Variants in PCTP observed in about 807,000 individuals in gnomAD.
PCTP encodes the protein phosphatidylcholine transfer protein.
A neutral mutation model predicts 31.0 loss-of-function variants in PCTP; 27 were observed. The ratio of observed to expected loss-of-function variants is 0.87; its 90% CI spans 0.64 to 1.20. The LOEUF is 1.20. Ranked by LOEUF, PCTP falls within the 50% of genes most tolerant of loss-of-function variation. PCTP has a pLI of 0.00. For synonymous variants in PCTP, 108 were observed against 101.2 expected, an observed-to-expected ratio of 1.07 and a Z score of -0.40; for missense variants, 287 against 268.2, an observed-to-expected ratio of 1.07 and a Z score of -0.49.
intron 5 of PCTP, among the ~76,000 whole-genome samples, chr17:55,831,123 TTTC>T (rs574706697): frequency 2.0e-5 from 3 of 152,062 alleles, no homozygotes; most frequent in Non-Finnish European, 4.4e-5. Context: ...CCGGAGAGCT[TTTC>T]TTCTTCTCCT....
At chr17:55,813,960 T>C (rs1327016555) in intron 3 of PCTP, among the ~76,000 whole-genome samples, 1 of 151,970 alleles carries the variant, frequency 6.6e-6, no homozygotes. Flanking sequence ...GAGGATCACT[T>C]GAGCCTGGGA....
At chr17:55,825,891 C>T (rs966874821), downstream of PCTP, among the ~76,000 whole-genome samples, 4 of 152,190 alleles carry the variant, frequency 2.6e-5, no homozygotes, top group African/African-American at 9.7e-5. Flanking sequence ...TCACTGCACT[C>T]ATGTGGTCAC....
chr17:55,820,163 T>C (rs947796724), intron 3 of PCTP, among the ~76,000 whole-genome samples: 1 of 152,112 alleles, frequency 6.6e-6, no homozygotes, highest in East Asian at 1.9e-4. Context: ...ACAAAATAGA[T>C]AAATGTAACT....
At chr17:55,844,007 A>G (rs1906067570), downstream of PCTP, among the ~76,000 whole-genome samples, 2 of 152,202 alleles carry the variant, frequency 1.3e-5, no homozygotes, top group South Asian at 4.1e-4. Flanking sequence ...ATGAGAGCCT[A>G]CTGACTTTCT....
chr17:55,754,665 C>G (rs1347216901), intron 1 of PCTP, among the ~76,000 whole-genome samples: 1 of 152,196 alleles, frequency 6.6e-6, no homozygotes, highest in Admixed American at 6.5e-5. Flanking sequence ...CCAGATTCTT[C>G]TGGCCTCTCC....
At chr17:55,774,982 A>T (rs1488883239) in intron 5 of PCTP, 123 bp downstream of exon 5, 2 of 1,122,566 alleles carry the variant, frequency 1.8e-6, no homozygotes, top group African/African-American at 3.1e-5. Context: ...AGGCTCTTTT[A>T]TGAAGAGTTT....
In PCTP at chr17:55,791,177, C is replaced by T. The variant is rs1306432827; in HGVS notation, c.317+3523C>T. ...ATTCAAGATGGATTAAAGACGTAAACGTTAGACCTAAAACCATAAAAACCC... is the reference window on the plus strand; with the variant it reads ...ATTCAAGATGGATTAAAGACGTAAATGTTAGACCTAAAACCATAAAAACCC... On this transcript the variant is annotated intron_variant, in intron 3 of 3. Transcript: ENST00000572536. 3.7e-3 allele frequency among the ~76,000 whole-genome samples: 559 copies of T among 152,012 alleles called. 5 individuals are homozygous for T. The highest frequency in any genetic ancestry group is 0.013 in the African/African-American group (527 of 41,498).
chr17:55,848,226 C>T, the PCTP span, among the ~76,000 whole-genome samples: 4 of 152,182 alleles, frequency 2.6e-5, no homozygotes, highest in African/African-American at 7.2e-5. Context: ...AATGTTTGAT[C>T]AACTATCTGA....
chr17:55,766,435 C>T (rs1404383862), intron 1 of PCTP, among the ~76,000 whole-genome samples: 1 of 136,944 alleles, frequency 7.3e-6, no homozygotes, highest in Admixed American at 7.6e-5. Context: ...CAACAGTCCC[C>T]AGAGTGTAAT....
intron 3 of PCTP, among the ~76,000 whole-genome samples, chr17:55,790,780 T>C (rs1200455719): frequency 6.7e-6 from 1 of 149,194 alleles, no homozygotes; most frequent in East Asian, 1.9e-4. Flanking sequence ...CCAATGACTT[T>C]CTTCACAGAA....
At chr17:55,828,294 G>A (rs1905473110) in intron 5 of PCTP, among the ~76,000 whole-genome samples, 1 of 152,146 alleles carries the variant, frequency 6.6e-6, no homozygotes, top group Non-Finnish European at 1.5e-5. Flanking sequence ...ACAGTTTTGG[G>A]GGCTGGGCAT....
chr17:55,765,104 T>C (rs780537942), intron 1 of PCTP, among the ~76,000 whole-genome samples: 5 of 152,246 alleles, frequency 3.3e-5, no homozygotes, highest in Non-Finnish European at 5.9e-5. Context: ...AAGGAACTTA[T>C]ATGATTTGAA....
At chr17:55,800,974 T>C (rs1912356426) in intron 3 of PCTP, among the ~76,000 whole-genome samples, 1 of 152,144 alleles carries the variant, frequency 6.6e-6, no homozygotes, top group African/African-American at 2.4e-5. Flanking sequence ...TAGCAAAGAT[T>C]ACTGCCTGTT....
downstream of PCTP, among the ~76,000 whole-genome samples, chr17:55,781,159 A>G (rs556952142): frequency 5.9e-5 from 9 of 152,374 alleles, no homozygotes; most frequent in South Asian, 1.7e-3. Flanking sequence ...CCAAACAATA[A>G]GTGATCTGCA....
At position 55,776,778 on chromosome 17, in the gene PCTP, TATG is replaced by T. The variant is rs1911353420; in HGVS notation, c.*680_*682del. On this transcript the variant is annotated 3_prime_UTR_variant, in exon 6 of 6. Transcript: ENST00000268896. ...ATCAGAGGCCTGACCGGACACATAA[TATG>T]ACAACCACATTTTTCCTCATCATCC... The T allele has an allele frequency of 4.4e-5, 49 of 1,115,500 alleles. No individual in the cohort carries two copies. The highest frequency in any genetic ancestry group is 5.4e-5 in the Non-Finnish European group (49 of 914,616). The allele number at this position is 1,115,500 out of a possible 1,614,324, so 69.1% of individuals were successfully genotyped here.
At chr17:55,751,777 CT>C (rs1243813839) in intron 1 of PCTP, among the ~76,000 whole-genome samples, 1 of 152,104 alleles carries the variant, frequency 6.6e-6, no homozygotes, top group Non-Finnish European at 1.5e-5. Context: ...CCAAGTTGCT[CT>C]TAATAAGTTG....
intron 1 of PCTP, among the ~76,000 whole-genome samples, chr17:55,753,720 T>G (rs1380778330): frequency 6.6e-6 from 1 of 152,182 alleles, no homozygotes; most frequent in Non-Finnish European, 1.5e-5. Context: ...CATCTTCTCC[T>G]CTAGCGAGCC....
In PCTP at chr17:55,751,077, A is replaced by C. The variant is rs1386764549; in HGVS notation, c.-27A>C. On this transcript the variant is annotated 5_prime_UTR_variant, in exon 1 of 6. Transcript: ENST00000268896. ...TAAGGGTGTCCGCGGCCTGCCCTCC[A>C]GGCGGAGGAGCCCGGACTGCGGAAG... 2 of 1,507,596 alleles carry C rather than the reference A, an allele frequency of 1.3e-6. No individual in the cohort carries two copies. Among genetic ancestry groups the C allele is most frequent in the African/African-American group, 1.4e-5 (1 of 71,194 alleles). 93.4% of individuals were successfully genotyped at this position (1,507,596 alleles called of 1,614,324 possible).
At chr17:55,812,961 G>T (rs534873294) in intron 3 of PCTP, among the ~76,000 whole-genome samples, 2 of 152,254 alleles carry the variant, frequency 1.3e-5, no homozygotes, top group African/African-American at 2.4e-5. Context: ...TCCTCCCCAC[G>T]GGGAGAGTGG....
Sources: allele counts gnomAD v4.1 joint callset (sites outside exome capture counted in the v4.1 genomes callset), GRCh38; gene constraint gnomAD v4.1.1; transcripts MANE v1.5; gene names NCBI Gene and HGNC (gene_info 2026-07-23, HGNC 2026-07-21).